The following RAP1GDS1 variants were observed in gnomAD, a reference collection of about 807,000 sequenced individuals.
RAP1GDS1 encodes the protein RAP1, GTP-GDP dissociation stimulator 1.
In RAP1GDS1, 35 loss-of-function variants were observed where a neutral mutation model predicts 71.1. The observed-to-expected ratio is 0.49, with a 90% CI of 0.38 to 0.65. The LOEUF (loss-of-function observed/expected upper bound fraction) is 0.65, where lower values mean the gene tolerates loss of function less well. RAP1GDS1 is among the 30% of genes least tolerant of loss of function. RAP1GDS1 has a pLI of 0.00. For missense variants in RAP1GDS1, 663 were observed against 706.1 expected, an observed-to-expected ratio of 0.94 and a Z score of 0.69; for synonymous variants, 229 against 243.1, an observed-to-expected ratio of 0.94 and a Z score of 0.54.
intron 2 of RAP1GDS1, among the ~76,000 whole-genome samples, chr4:98,325,462 C>G (rs1404446145): frequency 6.6e-6 from 1 of 151,824 alleles, no homozygotes; most frequent in Non-Finnish European, 1.5e-5. Context: ...GCTATAAAGA[C>G]ACATGCACAT....
intron 2 of RAP1GDS1, among the ~76,000 whole-genome samples, chr4:98,318,215 C>G (rs1238238196): frequency 6.6e-6 from 1 of 152,142 alleles, no homozygotes; most frequent in South Asian, 2.1e-4. Flanking sequence ...AGCTTAGTCT[C>G]TTAATACCTT....
chr4:98,370,537 T>G (rs1201081548), intron 4 of RAP1GDS1, among the ~76,000 whole-genome samples: 1 of 152,018 alleles, frequency 6.6e-6, no homozygotes, highest in Non-Finnish European at 1.5e-5. Flanking sequence ...TCTATGCTTC[T>G]GTAACACACC....
At chr4:98,276,686 T>C (rs1300845140) in intron 1 of RAP1GDS1, among the ~76,000 whole-genome samples, 2 of 152,114 alleles carry the variant, frequency 1.3e-5, no homozygotes, top group Non-Finnish European at 2.9e-5. Flanking sequence ...ACACTGGACA[T>C]CATTCTAAGG....
chr4:98,310,711 G>C (rs1578391439), intron 2 of RAP1GDS1, among the ~76,000 whole-genome samples: 1 of 152,008 alleles, frequency 6.6e-6, no homozygotes, highest in South Asian at 2.1e-4. Context: ...CTAGATGTAT[G>C]CCATCCAGTC....
chr4:98,330,889 A>G (rs547362676), intron 2 of RAP1GDS1, among the ~76,000 whole-genome samples: 1 of 152,180 alleles, frequency 6.6e-6, no homozygotes, highest in Admixed American at 6.5e-5. Flanking sequence ...CACTTCCTAG[A>G]TGGGCTGGCA....
At chr4:98,279,362 A>C (rs1724715244) in intron 1 of RAP1GDS1, among the ~76,000 whole-genome samples, 1 of 151,948 alleles carries the variant, frequency 6.6e-6, no homozygotes, top group South Asian at 2.1e-4. Context: ...AGAATTACAT[A>C]AATGATATAT....
At chr4:98,368,471 A>G (rs183317931) in intron 4 of RAP1GDS1, among the ~76,000 whole-genome samples, 4 of 152,278 alleles carry the variant, frequency 2.6e-5, no homozygotes, top group African/African-American at 4.8e-5. Flanking sequence ...GAGTTGGTAT[A>G]TATTTCAGGA....
At chr4:98,277,019 A>G (rs772549518) in intron 1 of RAP1GDS1, among the ~76,000 whole-genome samples, 3 of 152,160 alleles carry the variant, frequency 2.0e-5, no homozygotes, top group Non-Finnish European at 2.9e-5. Flanking sequence ...AGTTAGGGGC[A>G]GTGTCAGGCC....
chr4:98,360,561 CAT>C (rs1011615810), intron 4 of RAP1GDS1, among the ~76,000 whole-genome samples: 5 of 152,100 alleles, frequency 3.3e-5, no homozygotes, highest in African/African-American at 1.2e-4. Flanking sequence ...ATATGTGAAA[CAT>C]AAGATTTCCA....
At chr4:98,331,677 C>T (rs1734037572) in intron 2 of RAP1GDS1, among the ~76,000 whole-genome samples, 1 of 152,022 alleles carries the variant, frequency 6.6e-6, no homozygotes, top group South Asian at 2.1e-4. Flanking sequence ...TCAATTTATC[C>T]AATAACCCTA....
intron 6 of RAP1GDS1, among the ~76,000 whole-genome samples, chr4:98,402,515 C>T (rs187713507): frequency 1.2e-3 from 179 of 151,626 alleles, no homozygotes; most frequent in Non-Finnish European, 1.8e-3. Context: ...GAGCTAAAGC[C>T]GTAGTTTTTT....
At chr4:98,355,158 C>G (rs1737767068) in intron 4 of RAP1GDS1, among the ~76,000 whole-genome samples, 1 of 152,104 alleles carries the variant, frequency 6.6e-6, no homozygotes, top group Non-Finnish European at 1.5e-5. Context: ...TTTCTGACAA[C>G]TGGAAATTTT....
intron 2 of RAP1GDS1, among the ~76,000 whole-genome samples, chr4:98,324,570 G>C (rs1280996154): frequency 4.1e-5 from 6 of 145,754 alleles, no homozygotes; most frequent in Non-Finnish European, 8.9e-5. Context: ...TACCAAAACA[G>C]AGATATAGAT....
chr4:98,263,432 T>A (rs1366980194), intron 1 of RAP1GDS1, among the ~76,000 whole-genome samples: 1 of 152,196 alleles, frequency 6.6e-6, no homozygotes, highest in Non-Finnish European at 1.5e-5. Context: ...ATCTTCAAAA[T>A]CTTGAGTGCT....
intron 2 of RAP1GDS1, among the ~76,000 whole-genome samples, chr4:98,326,826 T>C (rs988620400): frequency 1.3e-5 from 2 of 152,186 alleles, no homozygotes; most frequent in African/African-American, 2.4e-5. Flanking sequence ...TCTTTTTCTT[T>C]TTTGGAAGGT....
intron 2 of RAP1GDS1, among the ~76,000 whole-genome samples, chr4:98,329,153 T>C (rs1189967966): frequency 2.0e-5 from 3 of 152,228 alleles, no homozygotes; most frequent in African/African-American, 7.2e-5. Flanking sequence ...AACCTTTCAG[T>C]TAACCATATT....
intron 6 of RAP1GDS1, among the ~76,000 whole-genome samples, chr4:98,393,312 G>T (rs1428797789): frequency 6.6e-6 from 1 of 152,072 alleles, no homozygotes; most frequent in Non-Finnish European, 1.5e-5. Context: ...TACTCAATGG[G>T]TCATATCCCA....
At chr4:98,388,539 A>T (rs1398092422) in intron 5 of RAP1GDS1, among the ~76,000 whole-genome samples, 2 of 152,184 alleles carry the variant, frequency 1.3e-5, no homozygotes, top group African/African-American at 2.4e-5. Flanking sequence ...CAACCTGTCC[A>T]ACATGGTGAA....
At chr4:98,360,798 A>G (rs1397153171) in intron 4 of RAP1GDS1, among the ~76,000 whole-genome samples, 3 of 152,150 alleles carry the variant, frequency 2.0e-5, no homozygotes, top group East Asian at 1.9e-4. Flanking sequence ...AGGGCCAGGC[A>G]TAGTGGCTCA....
Sources: gnomAD v4.1 joint callset for allele counts (sites outside exome capture counted in the v4.1 genomes callset) on GRCh38, gnomAD v4.1.1 for gene constraint, MANE v1.5 for transcripts, NCBI Gene and HGNC (gene_info 2026-07-23, HGNC 2026-07-21) for gene names.